Variants in SH3RF3 observed in about 807,000 individuals in gnomAD.
SH3RF3 encodes E3 ubiquitin-protein ligase SH3RF3.
In SH3RF3, 29 loss-of-function variants were observed where a neutral mutation model predicts 66.3. The ratio of observed to expected loss-of-function variants is 0.44; its 90% CI spans 0.33 to 0.60. SH3RF3 has a LOEUF of 0.60. Ranked by LOEUF, SH3RF3 falls within the 20% of genes least tolerant of loss-of-function variation. The pLI is 0.04. For synonymous variants in SH3RF3, 583 were observed against 532.0 expected (o/e 1.10, Z -1.32); for missense variants, 1,194 against 1,190.9 (o/e 1.00, Z -0.04).
chr2:109,360,790 C>A (rs1031911905), intron 2 of SH3RF3, among the ~76,000 whole-genome samples: 4 of 152,186 alleles, frequency 2.6e-5, no homozygotes, highest in Non-Finnish European at 4.4e-5. Flanking sequence ...TCTTCCCTCC[C>A]AATCTGTACA....
chr2:109,252,428 T>C (rs952406173), intron 1 of SH3RF3, among the ~76,000 whole-genome samples: 2 of 152,188 alleles, frequency 1.3e-5, no homozygotes, highest in African/African-American at 4.8e-5. Flanking sequence ...TCAGGCTTGT[T>C]TTATAAGCTT....
chr2:109,433,274 A>T (rs969542603), intron 6 of SH3RF3, among the ~76,000 whole-genome samples: 1 of 152,246 alleles, frequency 6.6e-6, no homozygotes, highest in Non-Finnish European at 1.5e-5. Context: ...AGGAAAAATG[A>T]TATCTTCCCA....
intron 9 of SH3RF3, among the ~76,000 whole-genome samples, chr2:109,495,574 C>T (rs547366187): frequency 6.8e-5 from 10 of 147,874 alleles, no homozygotes; most frequent in Non-Finnish European, 1.3e-4. Context: ...CTGCAACCTC[C>T]GCCTCCCAGA....
At chr2:109,288,893 A>C (rs1681099539) in intron 1 of SH3RF3, among the ~76,000 whole-genome samples, 1 of 152,242 alleles carries the variant, frequency 6.6e-6, no homozygotes, top group Non-Finnish European at 1.5e-5. Flanking sequence ...AAGCGGCACC[A>C]GTGTCTGCAG....
intron 1 of SH3RF3, among the ~76,000 whole-genome samples, chr2:109,315,005 A>C: frequency 6.6e-6 from 1 of 152,094 alleles, no homozygotes; most frequent in Non-Finnish European, 1.5e-5. Context: ...GCACTGTCCC[A>C]TAAGGTAGCC....
chr2:109,331,587 C>A (rs543540964), intron 1 of SH3RF3, among the ~76,000 whole-genome samples: 2 of 152,274 alleles, frequency 1.3e-5, no homozygotes, highest in South Asian at 4.1e-4. Flanking sequence ...GGAGTACTTA[C>A]GGTCTTCACT....
chr2:109,419,195 G>GT (rs66644709), intron 4 of SH3RF3, among the ~76,000 whole-genome samples: 5,849 of 152,006 alleles, frequency 0.038, 122 homozygotes, highest in African/African-American at 0.062. Flanking sequence ...TTTTGTGTGG[G>GT]TTTTTTTTAA....
intron 9 of SH3RF3, among the ~76,000 whole-genome samples, chr2:109,497,769 T>A (rs557733091): frequency 2.0e-5 from 3 of 152,368 alleles, no homozygotes; most frequent in African/African-American, 7.2e-5. Context: ...AATCATTGAA[T>A]TGCTCAGAAG....
At position 109,287,689 on chromosome 2, in the gene SH3RF3, A is replaced by G. The variant is rs116081716; in HGVS notation, c.574-59985A>G. Among the ~76,000 whole-genome samples, 528 of 152,238 alleles carry G rather than the reference A, an allele frequency of 3.5e-3. 5 individuals are homozygous for G. The highest frequency in any genetic ancestry group is 0.012 in the African/African-American group (496 of 41,548). ...CCTTCTGGGCCCTCCCTCGGATCCT[A>G]TCAGAGGCCTCAGATCTCATCAGAG... On this transcript the variant is annotated intron_variant, in intron 1 of 9. Coordinates refer to ENST00000309415, the MANE Select transcript of SH3RF3 (RefSeq NM_001099289.3).
intron 1 of SH3RF3, among the ~76,000 whole-genome samples, chr2:109,341,472 A>T (rs932486158): frequency 6.6e-6 from 1 of 152,250 alleles, no homozygotes; most frequent in Non-Finnish European, 1.5e-5. Context: ...TATGAAAGTC[A>T]GTGCCTTGGC....
Position 109,347,683 on chromosome 2 carries a change from C to T in SH3RF3, c.583C>T (p.Leu195=). The change falls in exon 2 of 10, where the codon CTG becomes TTG. Residue 195 remains leucine (L), a synonymous_variant. Transcript: ENST00000309415. ...RTAPAAKNPC[L]LPYGKALYSY... ...TGTCTGTTGCTTGCAGAATCCCTGC[C>T]TGCTTCCCTATGGCAAGGCCCTCTA... is the stretch of plus-strand genomic sequence containing the variant. The T allele has an allele frequency of 3.7e-6, 6 of 1,613,374 alleles. No homozygotes were observed. Among genetic ancestry groups the T allele is most frequent in the Non-Finnish European group, 5.1e-6 (6 of 1,179,458 alleles).
At chr2:109,172,625 C>G (rs1574486791) in intron 1 of SH3RF3, among the ~76,000 whole-genome samples, 1 of 152,324 alleles carries the variant, frequency 6.6e-6, no homozygotes, top group South Asian at 2.1e-4. Context: ...GCAGCATCAC[C>G]TCTCCGGAGC....
intron 1 of SH3RF3, among the ~76,000 whole-genome samples, chr2:109,245,905 A>G (rs972218773): frequency 6.6e-6 from 1 of 152,178 alleles, no homozygotes; most frequent in Non-Finnish European, 1.5e-5. Context: ...CCCGGGCATC[A>G]TTTACTGGTC....
chr2:109,238,401 A>T (rs1395198771), intron 1 of SH3RF3, among the ~76,000 whole-genome samples: 1 of 150,226 alleles, frequency 6.7e-6, no homozygotes, highest in Non-Finnish European at 1.5e-5. Context: ...GCTTTAAAAA[A>T]TTTTCTCTTT....
intron 4 of SH3RF3, among the ~76,000 whole-genome samples, chr2:109,411,048 G>C (rs1208168439): frequency 1.3e-5 from 2 of 152,220 alleles, no homozygotes; most frequent in African/African-American, 4.8e-5. Context: ...AATCAAAGCA[G>C]CATCAGAGAG....
chr2:109,272,215 C>G (rs758587805), intron 1 of SH3RF3, among the ~76,000 whole-genome samples: 1 of 152,228 alleles, frequency 6.6e-6, no homozygotes, highest in African/African-American at 2.4e-5. Flanking sequence ...TGTCTGACAG[C>G]CTTTTTCCTA....
At chr2:109,379,064 A>G (rs1396705660) in intron 3 of SH3RF3, among the ~76,000 whole-genome samples, 1 of 152,192 alleles carries the variant, frequency 6.6e-6, no homozygotes, top group Non-Finnish European at 1.5e-5. Context: ...CAGAGACAGT[A>G]ACAGAGCCCA....
intron 1 of SH3RF3, among the ~76,000 whole-genome samples, chr2:109,205,705 G>T (rs1163166410): frequency 6.6e-6 from 1 of 152,234 alleles, no homozygotes; most frequent in Non-Finnish European, 1.5e-5. Context: ...GGGCAGAGGT[G>T]TTGTTTCGGG....
chr2:109,198,686 C>T (rs1426067097), intron 1 of SH3RF3, among the ~76,000 whole-genome samples: 4 of 152,138 alleles, frequency 2.6e-5, no homozygotes, highest in East Asian at 3.9e-4. Context: ...GAACATTTTT[C>T]GTGTCTCTTA....
Sources: allele counts gnomAD v4.1 joint callset (sites outside exome capture counted in the v4.1 genomes callset), GRCh38; gene constraint gnomAD v4.1.1; transcripts MANE v1.5; gene names NCBI Gene and HGNC (gene_info 2026-07-23, HGNC 2026-07-21).